The following OLR1 variants were observed in gnomAD, a reference collection of about 807,000 sequenced individuals.
OLR1 encodes the protein oxidized low-density lipoprotein receptor 1.
In OLR1, 23 loss-of-function variants were observed where a neutral mutation model predicts 31.7. The observed-to-expected ratio is 0.72, with a 90% CI of 0.52 to 1.03. The LOEUF is 1.03. OLR1 is among the 50% of genes least tolerant of loss of function. The pLI, the probability that OLR1 is intolerant of heterozygous loss-of-function variation, is 0.00. For synonymous variants in OLR1, 117 were observed against 115.8 expected (o/e 1.01, Z -0.07); for missense variants, 286 against 315.7 (o/e 0.91, Z 0.71).
chr12:10,172,248 G>A (rs1243326029), upstream of OLR1: 2 of 563,028 alleles, frequency 3.6e-6, no homozygotes, highest in East Asian at 5.7e-5. Context: ...GAAGTTCGCT[G>A]ACGCAAATTC....
At chr12:10,161,946 A>T (rs2634158) in intron 3 of OLR1, among the ~76,000 whole-genome samples, 7,744 of 82,044 alleles carry the variant, frequency 0.094, 298 homozygotes, top group Non-Finnish European at 0.14. Flanking sequence ...TATATATATA[A>T]AAAACACATA....
intron 1 of OLR1, among the ~76,000 whole-genome samples, chr12:10,169,819 C>T (rs1039563496): frequency 6.6e-6 from 1 of 151,970 alleles, no homozygotes; most frequent in Non-Finnish European, 1.5e-5. Flanking sequence ...ATCCTACACT[C>T]ACGCCAAGTG....
upstream of OLR1, among the ~76,000 whole-genome samples, chr12:10,173,545 TGA>T (rs1591985879): frequency 1.7e-5 from 2 of 118,454 alleles, no homozygotes; most frequent in East Asian, 6.0e-4. Flanking sequence ...TTTGGGAAGC[TGA>T]GGGGGGGGGT....
At chr12:10,163,234 G>C (rs1948634442) in intron 3 of OLR1, among the ~76,000 whole-genome samples, 1 of 151,882 alleles carries the variant, frequency 6.6e-6, no homozygotes, top group East Asian at 1.9e-4. Context: ...TCTAGAGTCT[G>C]GGTGTTTCAC....
rs921316777 is a variant in OLR1, at chr12:10,159,309, GTGTC to G, written c.*567_*570del. On this transcript the variant is annotated 3_prime_UTR_variant, in exon 6 of 6. Transcript: ENST00000309539. ...AAAATGTGTGTGTGTGTGTGTGTGTGTGTCTGTCTGTCTGTCTGTCCGTAAGTGG... is the reference window on the plus strand; with the variant it reads ...AAAATGTGTGTGTGTGTGTGTGTGTGTGTCTGTCTGTCTGTCCGTAAGTGG... 2 of 125,034 alleles carry G rather than the reference GTGTC, an allele frequency of 1.6e-5. No homozygotes were observed. The highest frequency in any genetic ancestry group is 2.3e-4 in the South Asian group (1 of 4,344). The allele number at this position is 125,034 out of a possible 1,614,324, so 7.7% of individuals were successfully genotyped here.
At chr12:10,161,941 AT>A (rs1416148195) in intron 3 of OLR1, among the ~76,000 whole-genome samples, 7,138 of 60,732 alleles carry the variant, frequency 0.12, 569 homozygotes, top group African/African-American at 0.23. Context: ...ATATATATAT[AT>A]ATAAAAAACA....
chr12:10,161,923 T>TGA (rs1428508521), intron 3 of OLR1, among the ~76,000 whole-genome samples: 6 of 40,562 alleles, frequency 1.5e-4, no homozygotes, highest in East Asian at 8.6e-4. Flanking sequence ...GAAATTTTAA[T>TGA]GATATATATA....
At position 10,169,246 on chromosome 12, in the gene OLR1, C is replaced by T. The variant is rs1181005779; in HGVS notation, c.77-71G>A. On this transcript the variant is annotated intron_variant, in intron 1 of 5. Transcript: ENST00000309539. ...AAGTAAGCAAACCATTCCTTGGAGC[C>T]TGTCTGTACTTGGTGATTTACTCTG... 13 of 1,044,530 alleles carry T rather than the reference C, an allele frequency of 1.2e-5. No homozygotes were observed. The Admixed American group carries it at 1.4e-4, about 12-fold the overall frequency. 64.7% of individuals were successfully genotyped at this position (1,044,530 alleles called of 1,614,324 possible).
At position 10,165,896 on chromosome 12, in the gene OLR1, T is replaced by G. The variant is rs1276525168; in HGVS notation, c.424+816A>C. 2.0e-5 allele frequency among the ~76,000 whole-genome samples: 3 copies of G among 152,250 alleles called. No individual in the cohort carries two copies. The South Asian group carries it at 6.2e-4, about 32-fold the overall frequency. ...GATTTTTCAAGGATTTGACACAGCA[T>G]AGGGTGGTTCTGATTAAAAATTTAG... On this transcript the variant is annotated intron_variant, in intron 3 of 5. Coordinates refer to ENST00000309539, the MANE Select transcript of OLR1 (RefSeq NM_002543.4).
At chr12:10,168,862 A>G (rs958712244) in intron 2 of OLR1, among the ~76,000 whole-genome samples, 3 of 152,306 alleles carry the variant, frequency 2.0e-5, no homozygotes, top group African/African-American at 7.2e-5. Context: ...AATGCCTACC[A>G]ATTGTAATTT....
intron 1 of OLR1, chr12:10,170,629 T>C (rs1591984430): frequency 6.6e-6 from 1 of 151,756 alleles, no homozygotes; most frequent in Admixed American, 6.6e-5. Context: ...GCAGCTGGGA[T>C]TGCAGCCGCG....
At chr12:10,166,601 A>C in intron 3 of OLR1, 111 bp downstream of exon 3, 1 of 965,248 alleles carries the variant, frequency 1.0e-6, no homozygotes, top group Non-Finnish European at 1.6e-6. Flanking sequence ...TGAATGAATA[A>C]TGATATGCAT....
rs550498502 is a variant in OLR1 at position 10,164,141 on chromosome 12, C to A, written c.424+2571G>T. Among the ~76,000 whole-genome samples, 15 of 152,298 alleles carry A rather than the reference C, an allele frequency of 9.8e-5. No individual in the cohort carries two copies. In the South Asian group the frequency reaches 2.7e-3, roughly 27 times the overall value. Reference sequence around the variant, plus strand: ...GTCCTGATGTAGATTTAATCCCATACAACTGATAAAGACAAAATTCTCTTC... The same window carrying A: ...GTCCTGATGTAGATTTAATCCCATAAAACTGATAAAGACAAAATTCTCTTC... On this transcript the variant is annotated intron_variant, in intron 3 of 5. Coordinates refer to ENST00000309539, the MANE Select transcript of OLR1 (RefSeq NM_002543.4).
At chr12:10,172,355 T>C, upstream of OLR1, 1 of 312,264 alleles carries the variant, frequency 3.2e-6, no homozygotes, top group South Asian at 4.8e-5. Flanking sequence ...CTATTTTTCA[T>C]GAGCATCAGA....
intron 1 of OLR1, among the ~76,000 whole-genome samples, chr12:10,171,380 A>G (rs894064695): frequency 2.6e-5 from 4 of 152,216 alleles, no homozygotes; most frequent in African/African-American, 9.6e-5. Context: ...TAGCTATGCA[A>G]TTTAATTACT....
chr12:10,170,960 C>G (rs1948710538), intron 1 of OLR1: 1 of 152,070 alleles, frequency 6.6e-6, no homozygotes, highest in South Asian at 2.1e-4. Context: ...ATAAACCAAT[C>G]CGATTCTTTG....
At chr12:10,163,723 G>A (rs1419087188) in intron 3 of OLR1, among the ~76,000 whole-genome samples, 1 of 151,966 alleles carries the variant, frequency 6.6e-6, no homozygotes, top group African/African-American at 2.4e-5. Context: ...ACGAGATCAG[G>A]GGTTCGAGAC....
intron 3 of OLR1, among the ~76,000 whole-genome samples, chr12:10,165,287 G>C (rs34837900): frequency 0.036 from 5,302 of 149,088 alleles, 231 homozygotes; most frequent in African/African-American, 0.098. Flanking sequence ...AAAATTGGCC[G>C]GGCGTGGTGG....
At chr12:10,171,223 T>C (rs931282002) in intron 1 of OLR1, among the ~76,000 whole-genome samples, 1 of 152,252 alleles carries the variant, frequency 6.6e-6, no homozygotes, top group Admixed American at 6.5e-5. Flanking sequence ...TTTTTGGAAA[T>C]GTAATTTGGA....
Sources: allele counts gnomAD v4.1 joint callset (sites outside exome capture counted in the v4.1 genomes callset), GRCh38; gene constraint gnomAD v4.1.1; transcripts MANE v1.5; gene names NCBI Gene and HGNC (gene_info 2026-07-23, HGNC 2026-07-21).